The following UNC5B variants were observed in gnomAD, a reference collection of about 807,000 sequenced individuals.
UNC5B encodes the protein netrin receptor UNC5B.
A neutral mutation model predicts 103.7 loss-of-function variants in UNC5B; 56 were observed. The observed-to-expected ratio is 0.54, with a 90% CI of 0.44 to 0.67. The LOEUF is 0.67. UNC5B is among the 30% of genes least tolerant of loss of function. The probability of loss-of-function intolerance (pLI) is 0.00; values close to 1 mark genes in which losing one functional copy is unlikely to be tolerated. For missense variants in UNC5B, 1,194 were observed against 1,284.5 expected, an observed-to-expected ratio of 0.93 and a Z score of 1.08; for synonymous variants, 577 against 542.0, an observed-to-expected ratio of 1.06 and a Z score of -0.90.
intron 1 of UNC5B, among the ~76,000 whole-genome samples, chr10:71,250,801 TC>T (rs1844155521): frequency 6.6e-6 from 1 of 152,242 alleles, no homozygotes; most frequent in Non-Finnish European, 1.5e-5. Context: ...TTATAACTTT[TC>T]TAATTTATAA....
intron 1 of UNC5B, among the ~76,000 whole-genome samples, chr10:71,240,875 CAAG>C (rs1438674350): frequency 6.6e-6 from 1 of 152,148 alleles, no homozygotes; most frequent in Non-Finnish European, 1.5e-5. Flanking sequence ...CCCCAAGGGC[CAAG>C]AAGAAGACTT....
chr10:71,263,066 T>C (rs114486545), intron 1 of UNC5B, among the ~76,000 whole-genome samples: 222 of 151,958 alleles, frequency 1.5e-3, no homozygotes, highest in African/African-American at 5.2e-3. Context: ...AGGAACAGGG[T>C]TTAGCCAGGT....
intron 1 of UNC5B, among the ~76,000 whole-genome samples, chr10:71,254,401 G>A (rs10999750): frequency 6.6e-6 from 1 of 152,188 alleles, no homozygotes; most frequent in African/African-American, 2.4e-5. Flanking sequence ...CTGCTGTCGT[G>A]GGGGGCATAG....
At position 71,299,312 on chromosome 10, in the gene UNC5B, G is replaced by C; in HGVS notation, c.*35G>C. On this transcript the variant is annotated 3_prime_UTR_variant, in exon 17 of 17. Transcript: ENST00000335350. ...GACAGCGGGCTGGCAGGGACTGGCA[G>C]GAGGCAGGTGCAGGGAGGCCTGGGG... 3 of 1,610,478 alleles carry C rather than the reference G, an allele frequency of 1.9e-6. No homozygotes were observed. The highest frequency in any genetic ancestry group is 2.5e-6 in the Non-Finnish European group (3 of 1,178,852).
In UNC5B at chr10:71,243,906, A is replaced by G. The variant is rs78148042; in HGVS notation, c.79+30842A>G. 7.9e-5 allele frequency among the ~76,000 whole-genome samples: 12 copies of G among 152,354 alleles called. No homozygotes were observed. The East Asian group carries it at 2.1e-3, about 27-fold the overall frequency. On this transcript the variant is annotated intron_variant, in intron 1 of 16. Coordinates refer to ENST00000335350, the MANE Select transcript of UNC5B (RefSeq NM_170744.5). The stretch of plus-strand genomic sequence containing the variant: ...GGCTGCTTAACCCTTGGAGCTAACC[A>G]TTGTTCTCCATAGTTTATAATTGAG...
At chr10:71,272,177 G>A (rs1048370916) in intron 1 of UNC5B, among the ~76,000 whole-genome samples, 22 of 152,342 alleles carry the variant, frequency 1.4e-4, no homozygotes, top group Middle Eastern at 3.4e-3. Context: ...CATGCAGTGG[G>A]AGGTCAAGTC....
intron 1 of UNC5B, among the ~76,000 whole-genome samples, chr10:71,255,581 A>G (rs1336002352): frequency 6.6e-6 from 1 of 152,084 alleles, no homozygotes; most frequent in Non-Finnish European, 1.5e-5. Context: ...CTAAGAGGCC[A>G]CTCCTTGTTC....
chr10:71,227,336 T>C (rs556805060), intron 1 of UNC5B, among the ~76,000 whole-genome samples: 3 of 151,930 alleles, frequency 2.0e-5, no homozygotes, highest in Non-Finnish European at 4.4e-5. Context: ...CTAAAAATCA[T>C]ATGTTCTCAC....
At position 71,284,727 on chromosome 10, in the gene UNC5B, G is replaced by T; in HGVS notation, c.312G>T (p.Arg104=). The T allele has an allele frequency of 6.2e-7, 1 of 1,613,726 alleles. No individual in the cohort carries two copies. The highest frequency in any genetic ancestry group is 8.5e-7 in the Non-Finnish European group (1 of 1,180,010). Residue 104 remains arginine (R), a synonymous_variant, in exon 3 of 17, where the codon CGG becomes CGT. Coordinates refer to ENST00000335350, the MANE Select transcript of UNC5B (RefSeq NM_170744.5). ...TCTCTCTTCTCCTCCCAGGCCTGCG[G>T]GTGCGCGAGGTGCAGATCGAGGTGT... ...QEGLDEATGL[R]VREVQIEVSR... is the part of the protein sequence containing the mutation.
chr10:71,253,774 G>A (rs1589167838), intron 1 of UNC5B, among the ~76,000 whole-genome samples: 1 of 152,278 alleles, frequency 6.6e-6, no homozygotes, highest in Non-Finnish European at 1.5e-5. Flanking sequence ...GGGAGTGAGA[G>A]GTGGACACTG....
chr10:71,285,304 G>T, intron 3 of UNC5B, 22 bp from the exon 4 acceptor site: 2 of 1,594,466 alleles, frequency 1.3e-6, no homozygotes, highest in Non-Finnish European at 1.7e-6. Context: ...TGACTGCCTT[G>T]GGACCCTCTC....
intron 6 of UNC5B, among the ~76,000 whole-genome samples, chr10:71,288,210 C>T (rs1296488841): frequency 1.3e-5 from 2 of 152,204 alleles, no homozygotes. Context: ...CCTACCCCCG[C>T]ACATGTGCTG....
rs1845545616 is a variant in UNC5B, at chr10:71,299,829, G to A, written c.*552G>A. The A allele has an allele frequency of 6.6e-6, 1 of 150,792 alleles. No homozygotes were observed. Among genetic ancestry groups the A allele is most frequent in the Admixed American group, 6.6e-5 (1 of 15,138 alleles). The allele number at this position is 150,792 out of a possible 1,614,324, so 9.3% of individuals were successfully genotyped here. On this transcript the variant is annotated 3_prime_UTR_variant, in exon 17 of 17. Transcript: ENST00000335350. Reference sequence around the variant, plus strand: ...ACCGCTAGTAAGGCTCAAAGAAGAAGAAAAACACCAAAACCACAAGGGAAA... The same window carrying A: ...ACCGCTAGTAAGGCTCAAAGAAGAAAAAAAACACCAAAACCACAAGGGAAA...
In UNC5B at chr10:71,213,246, C is replaced by G. The variant is rs113003702; in HGVS notation, c.79+182C>G. On this transcript the variant is annotated intron_variant, in intron 1 of 16. Coordinates refer to ENST00000335350, the MANE Select transcript of UNC5B (RefSeq NM_170744.5). The surrounding 1 kb of genome is among the most constrained non-coding windows in gnomAD (Gnocchi z 4.1). ...CAATGGCGCATCCACATCGCGGGAG[C>G]GGGGAGCAGGGAAGGGGCTTCACAG... Among the ~76,000 whole-genome samples the G allele has an allele frequency of 0.021, 3,247 of 152,188 alleles. 102 individuals carry two copies. Among genetic ancestry groups the G allele is most frequent in the African/African-American group, 0.07 (2,922 of 41,516 alleles).
At chr10:71,250,306 C>A (rs570165339) in intron 1 of UNC5B, among the ~76,000 whole-genome samples, 7 of 152,236 alleles carry the variant, frequency 4.6e-5, no homozygotes, top group Non-Finnish European at 7.3e-5. Context: ...TACTTCCTAC[C>A]GGGTTGCATG....
intron 1 of UNC5B, among the ~76,000 whole-genome samples, chr10:71,243,643 G>A (rs550748219): frequency 1.3e-5 from 2 of 152,280 alleles, no homozygotes; most frequent in South Asian, 4.1e-4. Flanking sequence ...GGGGGCTTGG[G>A]AAGCCTTCGC....
intron 1 of UNC5B, among the ~76,000 whole-genome samples, chr10:71,245,788 C>T (rs918793734): frequency 1.3e-5 from 2 of 152,138 alleles, no homozygotes; most frequent in South Asian, 2.1e-4. Flanking sequence ...TCTGGGTGCT[C>T]AGGTGGGGTG....
At chr10:71,244,800 G>A (rs1012599260) in intron 1 of UNC5B, among the ~76,000 whole-genome samples, 4 of 152,232 alleles carry the variant, frequency 2.6e-5, no homozygotes, top group African/African-American at 9.6e-5. Flanking sequence ...ATGCCTGTGT[G>A]CGCCGAACTG....
rs1844871758 is a variant in UNC5B at position 71,279,840 on chromosome 10, G to A, written c.99G>A (p.Glu33=). 2.5e-6 allele frequency: 4 copies of A among 1,613,542 alleles called. No homozygotes were observed. Among genetic ancestry groups the A allele is most frequent in the Non-Finnish European group, 3.4e-6 (4 of 1,179,802 alleles). ...CTGCAGGCACTGATTCTGGCAGCGA[G>A]GTGCTCCCTGACTCCTTCCCGTCAG... ...LSQAGTDSGS[E]VLPDSFPSAP... is the part of the protein sequence containing the mutation. The change falls in exon 2 of 17, where the codon GAG becomes GAA. Residue 33 remains glutamate (E), a synonymous_variant. Coordinates refer to ENST00000335350, the MANE Select transcript of UNC5B (RefSeq NM_170744.5).
Sources: allele counts gnomAD v4.1 joint callset (sites outside exome capture counted in the v4.1 genomes callset), GRCh38; gene constraint gnomAD v4.1.1; non-coding constraint Gnocchi (gnomAD v3.1); transcripts MANE v1.5; gene names NCBI Gene and HGNC (gene_info 2026-07-23, HGNC 2026-07-21).